The following MEIG1 variants were observed in gnomAD, a reference collection of about 807,000 sequenced individuals.
MEIG1 encodes the protein meiosis/spermiogenesis associated 1, also known as meiosis expressed gene 1 protein homolog.
MEIG1 carries 12 observed loss-of-function variants against 11.3 expected under a neutral mutation model. The observed-to-expected ratio is 1.07, with a 90% confidence interval of 0.68 to 1.73. The LOEUF is 1.73. Among genes scored for constraint, MEIG1 ranks in the 40% most tolerant of loss-of-function variants. The probability of loss-of-function intolerance (pLI) is 0.00; values close to 1 mark genes in which losing one functional copy is unlikely to be tolerated. For missense variants in MEIG1, 119 were observed against 104.9 expected (o/e 1.13, Z -0.59); for synonymous variants, 41 against 33.2 (o/e 1.24, Z -0.81).
At chr10:14,964,636 C>CTTTTTTTT (rs35249492) in intron 1 of MEIG1, among the ~76,000 whole-genome samples, 1 of 49,224 alleles carries the variant, frequency 2.0e-5, no homozygotes, top group Non-Finnish European at 3.5e-5. Context: ...TATATGTATA[C>CTTTTTTTT]TTTTTTTTTT....
rs150503937 is a variant in MEIG1, at chr10:14,985,219, T to A, written n.67-1577T>A. ...TGGGGCCGTACATCCTGGGATGTTA[T>A]TCGTAATATTCTAGGGAAATGTTGC... On this transcript the variant is annotated intron_variant and non_coding_transcript_variant, in intron 1 of 2. Coordinates refer to the MEIG1 transcript ENST00000467536. Among the ~76,000 whole-genome samples the A allele has an allele frequency of 2.6e-5, 4 of 152,166 alleles. No homozygotes were observed. In the East Asian group the frequency reaches 7.7e-4, roughly 29 times the overall value.
chr10:14,976,808 G>A (rs369960396), downstream of MEIG1, among the ~76,000 whole-genome samples: 6 of 152,012 alleles, frequency 3.9e-5, no homozygotes, highest in East Asian at 1.9e-4. Context: ...CCAGGAAAAC[G>A]TTACTGCTAA....
At chr10:14,974,835 C>A (rs1200801465), downstream of MEIG1, among the ~76,000 whole-genome samples, 1 of 151,860 alleles carries the variant, frequency 6.6e-6, no homozygotes, top group African/African-American at 2.4e-5. Flanking sequence ...TATTAATAAT[C>A]TGAACACTTT....
upstream of MEIG1, among the ~76,000 whole-genome samples, chr10:14,955,238 C>T: frequency 6.6e-6 from 1 of 152,232 alleles, no homozygotes; most frequent in African/African-American, 2.4e-5. Flanking sequence ...GCCTCCATAA[C>T]ACTTGAAGTC....
At chr10:14,964,756 T>G (rs1408106348) in intron 1 of MEIG1, among the ~76,000 whole-genome samples, 2 of 148,640 alleles carry the variant, frequency 1.3e-5, no homozygotes, top group African/African-American at 2.5e-5. Context: ...GTAGCTGTGA[T>G]TGCAGGCACC....
At chr10:14,959,080 G>T (rs1260624169), upstream of MEIG1, among the ~76,000 whole-genome samples, 1 of 152,114 alleles carries the variant, frequency 6.6e-6, no homozygotes, top group African/African-American at 2.4e-5. Context: ...TTCATTCCTC[G>T]CAAATGAATA....
At chr10:14,954,256 T>C in the MEIG1 span, 6 of 611,076 alleles carry the variant, frequency 9.8e-6, no homozygotes, top group South Asian at 1.9e-5. Flanking sequence ...CCCTGAGCCC[T>C]GCCCAGTGCA....
In MEIG1 at chr10:14,985,768, C is replaced by T. The variant is rs139958012; in HGVS notation, n.67-1028C>T. Among the ~76,000 whole-genome samples, 50 of 152,014 alleles carry T rather than the reference C, an allele frequency of 3.3e-4. 1 individual carries two copies. The East Asian group carries it at 9.5e-3, about 29-fold the overall frequency. On this transcript the variant is annotated intron_variant and non_coding_transcript_variant, in intron 1 of 2. Coordinates refer to the MEIG1 transcript ENST00000467536. ...CTAATATGTCACAGGGGTGTACATGCTTTGTTATTATTTGTAATCCCCTAG... is the reference window on the plus strand; with the variant it reads ...CTAATATGTCACAGGGGTGTACATGTTTTGTTATTATTTGTAATCCCCTAG...
chr10:14,978,467 A>G (rs1010319639), intron 1 of MEIG1, among the ~76,000 whole-genome samples: 7 of 151,690 alleles, frequency 4.6e-5, no homozygotes, highest in Non-Finnish European at 1.0e-4. Context: ...CTCTAGGGAG[A>G]TGTTACTCCT....
intron 1 of MEIG1, among the ~76,000 whole-genome samples, chr10:14,978,266 C>A (rs1196287345): frequency 1.3e-5 from 2 of 151,898 alleles, no homozygotes; most frequent in East Asian, 3.9e-4. Context: ...TCAAATATCA[C>A]ATTGGGTGTA....
chr10:14,980,569 A>C (rs113572954), intron 1 of MEIG1, among the ~76,000 whole-genome samples: 107 of 152,238 alleles, frequency 7.0e-4, no homozygotes, highest in African/African-American at 2.5e-3. Context: ...CATTATACCC[A>C]CAGTCCTCCA....
downstream of MEIG1, among the ~76,000 whole-genome samples, chr10:14,976,135 G>C (rs181316368): frequency 3.4e-3 from 515 of 152,194 alleles, 3 homozygotes; most frequent in African/African-American, 0.012. Flanking sequence ...GGGGAGAGGG[G>C]GTTGATATTA....
At chr10:14,980,371 G>C (rs779124301) in intron 1 of MEIG1, among the ~76,000 whole-genome samples, 15 of 151,636 alleles carry the variant, frequency 9.9e-5, no homozygotes, top group Admixed American at 2.0e-4. Context: ...CAATCTGTGA[G>C]GTTATTCATA....
At chr10:14,979,066 G>A (rs1354995852) in intron 1 of MEIG1, among the ~76,000 whole-genome samples, 2 of 151,856 alleles carry the variant, frequency 1.3e-5, no homozygotes, top group African/African-American at 4.8e-5. Context: ...CACAATACGT[G>A]TACACCCTCT....
At chr10:14,982,582 GT>G (rs1286789772) in intron 1 of MEIG1, among the ~76,000 whole-genome samples, 1 of 149,220 alleles carries the variant, frequency 6.7e-6, no homozygotes, top group East Asian at 1.9e-4. Context: ...TGAAGGGCTG[GT>G]ACACAAAAAC....
At chr10:14,968,257 GT>G (rs1843110578) in intron 2 of MEIG1, among the ~76,000 whole-genome samples, 1 of 152,116 alleles carries the variant, frequency 6.6e-6, no homozygotes. Flanking sequence ...GGAGGCCGAG[GT>G]AGGCAGATCA....
At chr10:14,958,031 G>A (rs1842969594), upstream of MEIG1, among the ~76,000 whole-genome samples, 1 of 152,168 alleles carries the variant, frequency 6.6e-6, no homozygotes, top group Non-Finnish European at 1.5e-5. Context: ...GGGAACGGTT[G>A]TAATTACCAG....
chr10:14,986,570 G>A (rs964909141), intron 1 of MEIG1, among the ~76,000 whole-genome samples: 10 of 152,018 alleles, frequency 6.6e-5, no homozygotes, highest in Non-Finnish European at 1.2e-4. Flanking sequence ...TCTTCGTAGC[G>A]TCTGCTAACC....
At chr10:14,970,314 A>G (rs1843134277) in intron 2 of MEIG1, 1 of 152,256 alleles carries the variant, frequency 6.6e-6, no homozygotes, top group East Asian at 1.9e-4. Flanking sequence ...GAAAGTTCAG[A>G]GATGCCAAGG....
Sources: gnomAD v4.1 joint callset for allele counts (sites outside exome capture counted in the v4.1 genomes callset) on GRCh38, gnomAD v4.1.1 for gene constraint, MANE v1.5 for transcripts, NCBI Gene and HGNC (gene_info 2026-07-23, HGNC 2026-07-21) for gene names.